POU6F2: variants seen among roughly 807,000 people sequenced by gnomAD.
The protein encoded by POU6F2 is POU domain, class 6, transcription factor 2.
In POU6F2, 31 loss-of-function variants were observed where a neutral mutation model predicts 71.3. That is an observed-to-expected ratio of 0.43 (90% confidence interval 0.33 to 0.59). The LOEUF (loss-of-function observed/expected upper bound fraction) is 0.59. Ranked by LOEUF, POU6F2 falls within the 20% of genes least tolerant of loss-of-function variation. POU6F2 has a pLI of 0.04. For synonymous variants in POU6F2, 347 were observed against 355.7 expected, an observed-to-expected ratio of 0.98 and a Z score of 0.27; for missense variants, 783 against 856.8, an observed-to-expected ratio of 0.91 and a Z score of 1.07.
intron 5 of POU6F2, among the ~76,000 whole-genome samples, chr7:39,353,242 A>G (rs1386516614): frequency 1.3e-5 from 2 of 152,212 alleles, no homozygotes; most frequent in Non-Finnish European, 2.9e-5. Flanking sequence ...ACAGAAACCT[A>G]CCGGAACTTG....
intron 1 of POU6F2, among the ~76,000 whole-genome samples, chr7:38,983,372 T>G (rs756186500): frequency 6.9e-5 from 10 of 145,508 alleles, no homozygotes; most frequent in Non-Finnish European, 1.2e-4. Flanking sequence ...TCCTTTCTGC[T>G]TTTGTTCCTG....
chr7:39,204,909 T>C (rs1450534556), intron 3 of POU6F2, among the ~76,000 whole-genome samples: 3 of 152,010 alleles, frequency 2.0e-5, no homozygotes, highest in African/African-American at 7.2e-5. Flanking sequence ...GGCTTTTTTT[T>C]TTTTTTTTCC....
chr7:39,194,558 GCGC>G (rs1359809657), intron 2 of POU6F2, among the ~76,000 whole-genome samples: 3 of 5,696 alleles, frequency 5.3e-4, no homozygotes, highest in East Asian at 0.071. Flanking sequence ...GGACCAATCA[GCGC>G]TCTGTAAAGT....
chr7:39,239,358 G>A (rs1403226090), intron 4 of POU6F2, among the ~76,000 whole-genome samples: 1 of 152,054 alleles, frequency 6.6e-6, no homozygotes, highest in East Asian at 1.9e-4. Context: ...AAGCGAAGGT[G>A]TTTTCATAAC....
At chr7:39,287,043 T>C (rs1342019806) in intron 4 of POU6F2, among the ~76,000 whole-genome samples, 2 of 152,062 alleles carry the variant, frequency 1.3e-5, no homozygotes, top group Non-Finnish European at 2.9e-5. Flanking sequence ...CCAGGGACTT[T>C]TCAGAGCTTT....
chr7:39,024,944 A>G (rs1021244377), intron 1 of POU6F2, among the ~76,000 whole-genome samples: 1 of 152,176 alleles, frequency 6.6e-6, no homozygotes, highest in African/African-American at 2.4e-5. Context: ...AATGTTTATC[A>G]AGGATATTAG....
intron 4 of POU6F2, among the ~76,000 whole-genome samples, chr7:39,222,080 C>A (rs1295526353): frequency 6.6e-6 from 1 of 152,146 alleles, no homozygotes; most frequent in Non-Finnish European, 1.5e-5. Flanking sequence ...GGCATCCACA[C>A]AGAATTTGGT....
rs188061759 is a variant in POU6F2, at chr7:39,366,698, G to T, written c.972+26683G>T. ...GCCAGACTTCTGCTGGGGCAAAAAG[G>T]TGTGGGGCATAGTCTGAGAAGATAT... On this transcript the variant is annotated intron_variant, in intron 5 of 9. Transcript: ENST00000518318. 8.6e-4 allele frequency among the ~76,000 whole-genome samples: 131 copies of T among 152,244 alleles called. 1 individual carries two copies. Among genetic ancestry groups the T allele is most frequent in the African/African-American group, 2.6e-3 (108 of 41,554 alleles).
At chr7:39,075,875 C>T (rs1790991789) in intron 1 of POU6F2, among the ~76,000 whole-genome samples, 1 of 152,244 alleles carries the variant, frequency 6.6e-6, no homozygotes, top group African/African-American at 2.4e-5. Context: ...TTCTCCCATT[C>T]AACTTCAGTC....
intron 2 of POU6F2, among the ~76,000 whole-genome samples, chr7:39,098,175 CT>C (rs1330523385): frequency 1.3e-5 from 2 of 151,810 alleles, no homozygotes; most frequent in Non-Finnish European, 2.9e-5. Context: ...TCTTGTTTGT[CT>C]TATATATTTT....
intron 1 of POU6F2, chr7:39,034,530 A>C (rs1790016542): frequency 2.4e-6 from 1 of 415,320 alleles, no homozygotes; most frequent in Admixed American, 2.4e-5. Context: ...AATGCACATA[A>C]AGTCGGGGTC....
intron 2 of POU6F2, among the ~76,000 whole-genome samples, chr7:39,155,702 A>G (rs540054831): frequency 2.6e-5 from 4 of 152,326 alleles, no homozygotes; most frequent in South Asian, 4.1e-4. Flanking sequence ...CAAACATCCA[A>G]TTTTATAATT....
chr7:39,175,739 A>G (rs1354786936), intron 2 of POU6F2, among the ~76,000 whole-genome samples: 1 of 152,154 alleles, frequency 6.6e-6, no homozygotes, highest in Non-Finnish European at 1.5e-5. Context: ...GGCCTCATGT[A>G]TGGCCACCCT....
chr7:39,119,258 A>G (rs980231235), intron 2 of POU6F2, among the ~76,000 whole-genome samples: 6 of 152,230 alleles, frequency 3.9e-5, no homozygotes, highest in Non-Finnish European at 7.3e-5. Flanking sequence ...ATGTTCAACA[A>G]CGTTGAGGGC....
At chr7:39,251,781 G>A (rs924134324) in intron 4 of POU6F2, among the ~76,000 whole-genome samples, 17 of 152,068 alleles carry the variant, frequency 1.1e-4, no homozygotes, top group African/African-American at 2.9e-4. Flanking sequence ...TACATGCTCC[G>A]GACACCACAG....
At chr7:39,034,585 G>A in intron 1 of POU6F2, 1 of 294,416 alleles carries the variant, frequency 3.4e-6, no homozygotes, top group South Asian at 2.7e-5. Context: ...AGGTCACTAG[G>A]GGAATCGATG....
chr7:39,080,340 C>A (rs1031631137), intron 1 of POU6F2, among the ~76,000 whole-genome samples: 2 of 152,080 alleles, frequency 1.3e-5, no homozygotes, highest in Admixed American at 1.3e-4. Flanking sequence ...TTTCCCCAAA[C>A]CTACCAACGC....
chr7:39,356,684 T>C (rs1048035279), intron 5 of POU6F2, among the ~76,000 whole-genome samples: 31 of 152,226 alleles, frequency 2.0e-4, no homozygotes, highest in Non-Finnish European at 2.9e-4. Flanking sequence ...GATCAGACTG[T>C]CTTAAATTTC....
At chr7:39,007,379 AT>A (rs1206242378) in intron 1 of POU6F2, among the ~76,000 whole-genome samples, 3 of 152,200 alleles carry the variant, frequency 2.0e-5, no homozygotes, top group Non-Finnish European at 4.4e-5. Flanking sequence ...CAGTTTCCTT[AT>A]GAAGAAAGTG....
Sources: gnomAD v4.1 joint callset for allele counts (sites outside exome capture counted in the v4.1 genomes callset) on GRCh38, gnomAD v4.1.1 for gene constraint, MANE v1.5 for transcripts, NCBI Gene and HGNC (gene_info 2026-07-23, HGNC 2026-07-21) for gene names.